ARHGEF9: variants seen among roughly 807,000 people sequenced by gnomAD.
ARHGEF9 encodes Cdc42 guanine nucleotide exchange factor 9, also known as rho guanine nucleotide exchange factor 9.
Under a neutral mutation model 41.3 loss-of-function variants are expected in ARHGEF9, and 2 were observed. The observed-to-expected ratio is 0.05, with a 90% CI of 0.02 to 0.15. The LOEUF (loss-of-function observed/expected upper bound fraction) is 0.15. ARHGEF9 is among the 10% of genes least tolerant of loss of function. The pLI is 1.00. For missense variants in ARHGEF9, 225 were observed against 424.7 expected (o/e 0.53, Z 4.13); for synonymous variants, 160 against 154.4 (o/e 1.04, Z -0.27).
chrX:63,667,480 C>T (rs1472250971), intron 6 of ARHGEF9, among the ~76,000 whole-genome samples: 3 of 111,369 alleles, frequency 2.7e-5, no homozygotes, highest in Non-Finnish European at 5.7e-5. Context: ...TACCTTGATG[C>T]TAAGATCTCA....
intron 6 of ARHGEF9, among the ~76,000 whole-genome samples, chrX:63,667,999 A>T (rs1322578163): frequency 1.8e-5 from 2 of 111,564 alleles, no homozygotes; most frequent in Non-Finnish European, 1.9e-5. Context: ...CATAAAAGAG[A>T]GCCAATGCCA....
chrX:63,736,195 C>A (rs1176810878), intron 1 of ARHGEF9, among the ~76,000 whole-genome samples: 1 of 111,631 alleles, frequency 9.0e-6, no homozygotes, highest in African/African-American at 3.3e-5. Flanking sequence ...AAAATAGAAG[C>A]AAAATCAGAC....
At position 63,674,197 on chromosome X, in the gene ARHGEF9, C is replaced by T. The variant is rs201482891; in HGVS notation, c.816-30G>A. 168 of 1,204,725 alleles carry T rather than the reference C, an allele frequency of 1.4e-4. No individual in the cohort carries two copies. The African/African-American group carries it at 2.7e-3, about 19-fold the overall frequency. On this transcript the variant is annotated intron_variant, in intron 5 of 9. Coordinates refer to ENST00000671741, the MANE Select transcript of ARHGEF9 (RefSeq NM_001353921.2). ...GAAAACAAAAGAGTGCAAGTTGAAC[C>T]AACCAATGTGCCAAAGAACCAATGT...
intron 1 of ARHGEF9, among the ~76,000 whole-genome samples, chrX:63,765,672 A>G (rs1158652435): frequency 9.0e-6 from 1 of 111,592 alleles, no homozygotes; most frequent in East Asian, 2.8e-4. Flanking sequence ...GAAAGAACAA[A>G]GGATTAACAG....
At position 63,775,148 on chromosome X, in the gene ARHGEF9, T is replaced by A. The variant is rs781867120; in HGVS notation, c.30+9968A>T. ...AGATACCATCTCACACCAGTCAGAA[T>A]GCCTATTATTAAGAAGTCAAAAAAT... is the stretch of plus-strand genomic sequence containing the variant. On this transcript the variant is annotated intron_variant, in intron 1 of 9. Coordinates refer to ENST00000671741, the MANE Select transcript of ARHGEF9 (RefSeq NM_001353921.2). Among the ~76,000 whole-genome samples, 132 of 112,566 alleles carry A rather than the reference T, an allele frequency of 1.2e-3. 1 individual carries two copies. The highest frequency in any genetic ancestry group is 4.2e-3 in the African/African-American group (129 of 31,036).
rs782554647 is a variant in ARHGEF9, at chrX:63,664,096, C to T, written c.1077+1790G>A. Among the ~76,000 whole-genome samples the T allele has an allele frequency of 2.7e-5, 3 of 112,301 alleles. No homozygotes were observed. In the South Asian group the frequency reaches 1.1e-3, roughly 42 times the overall value. On this transcript the variant is annotated intron_variant, in intron 7 of 9. Transcript: ENST00000671741. ...TCACCATCCCTGTTATATGCTTCCCCTACCCTGCCAGCTTAGCTGGTTTGA... is the reference window on the plus strand; with the variant it reads ...TCACCATCCCTGTTATATGCTTCCCTTACCCTGCCAGCTTAGCTGGTTTGA...
At chrX:63,783,679 A>G (rs1243399972) in intron 1 of ARHGEF9, among the ~76,000 whole-genome samples, 3 of 111,636 alleles carry the variant, frequency 2.7e-5, no homozygotes, top group African/African-American at 9.8e-5. Context: ...GTGGGGAAGG[A>G]CTGTGGCAGT....
At chrX:63,718,597 A>G (rs181036520) in intron 2 of ARHGEF9, among the ~76,000 whole-genome samples, 1 of 112,090 alleles carries the variant, frequency 8.9e-6, no homozygotes, top group Non-Finnish European at 1.9e-5. Context: ...TGGGTCAACA[A>G]TAGGGCCTTG....
chrX:63,692,444 T>C (rs1241802665), intron 4 of ARHGEF9, among the ~76,000 whole-genome samples: 1 of 112,383 alleles, frequency 8.9e-6, no homozygotes, highest in Non-Finnish European at 1.9e-5. Flanking sequence ...AAATGGCCAA[T>C]AGGCATATGA....
rs782196800 is a variant in ARHGEF9, at chrX:63,635,421, C to T, written c.*2607G>A. On this transcript the variant is annotated 3_prime_UTR_variant, in exon 10 of 10. Coordinates refer to ENST00000671741, the MANE Select transcript of ARHGEF9 (RefSeq NM_001353921.2). ...GAGGAAAAGGGAGCTCAGGGCCATG[C>T]GGAAATTACAACATTACAGAATTAC... The T allele has an allele frequency of 2.9e-5, 15 of 519,610 alleles. No individual in the cohort carries two copies. The highest frequency in any genetic ancestry group is 3.1e-4 in the Middle Eastern group (1 of 3,211). The allele number at this position is 519,610 out of a possible 1,213,427, so 42.8% of individuals were successfully genotyped here. A position where few individuals can be genotyped will look rare whatever the true frequency, so the allele number is the denominator to read the frequency against.
intron 1 of ARHGEF9, among the ~76,000 whole-genome samples, chrX:63,747,920 T>C (rs781956676): frequency 1.8e-5 from 2 of 112,493 alleles, no homozygotes; most frequent in East Asian, 5.6e-4. Context: ...TTTAGAAACA[T>C]TTGCATTGTA....
Position 63,785,140 on chromosome X carries a change from C to T in ARHGEF9, c.6G>A (p.Gln2=). The T allele has an allele frequency of 8.6e-7, 1 of 1,165,438 alleles. No homozygotes were observed. Residue 2 remains glutamine (Q), a synonymous_variant, in exon 1 of 10, where the codon CAG becomes CAA. Coordinates refer to ENST00000671741, the MANE Select transcript of ARHGEF9 (RefSeq NM_001353921.2). ...CCATTCCCGATCCGCCCCTTATCCA[C>T]TGCATGGTGCTTGCGAAGTCCGGCT... is the stretch of plus-strand genomic sequence containing the variant. M[Q]WIRGGSGMLI...
At chrX:63,739,438 T>TA (rs1556425250) in intron 1 of ARHGEF9, among the ~76,000 whole-genome samples, 1 of 111,622 alleles carries the variant, frequency 9.0e-6, no homozygotes, top group East Asian at 2.8e-4. Context: ...GAACCCCCTG[T>TA]ACTGCTTGTC....
intron 1 of ARHGEF9, among the ~76,000 whole-genome samples, chrX:63,772,955 A>C (rs2056229230): frequency 9.0e-6 from 1 of 111,432 alleles, no homozygotes; most frequent in African/African-American, 3.3e-5. Context: ...CAAATGTGTC[A>C]GGATCTTTCC....
intron 1 of ARHGEF9, chrX:63,754,372 T>G (rs2055844058): frequency 3.3e-6 from 4 of 1,205,422 alleles, no homozygotes; most frequent in Non-Finnish European, 4.5e-6. Context: ...GTAAGAAAGC[T>G]TGTTCTTTCT....
At chrX:63,685,868 G>A (rs782298172) in intron 4 of ARHGEF9, among the ~76,000 whole-genome samples, 3 of 111,308 alleles carry the variant, frequency 2.7e-5, no homozygotes, top group East Asian at 2.8e-4. Flanking sequence ...GTAGAAAACC[G>A]TTATGATTTT....
intron 1 of ARHGEF9, chrX:63,755,801 C>A: frequency 1.4e-6 from 1 of 738,492 alleles, no homozygotes; most frequent in Non-Finnish European, 1.6e-6. Context: ...AAATCCAATT[C>A]TATTTGGCTT....
chrX:63,668,865 T>A (rs1941403569), intron 6 of ARHGEF9, among the ~76,000 whole-genome samples: 1 of 111,874 alleles, frequency 8.9e-6, no homozygotes, highest in African/African-American at 3.2e-5. Flanking sequence ...CCAAAGCCTA[T>A]GCTCTTATCC....
At chrX:63,667,485 A>G (rs782093835) in intron 6 of ARHGEF9, among the ~76,000 whole-genome samples, 14 of 111,355 alleles carry the variant, frequency 1.3e-4, no homozygotes, top group African/African-American at 4.2e-4. Flanking sequence ...TGATGCTAAG[A>G]TCTCAGCCTT....
Sources: gnomAD v4.1 joint callset for allele counts (sites outside exome capture counted in the v4.1 genomes callset) on GRCh38, gnomAD v4.1.1 for gene constraint, MANE v1.5 for transcripts, NCBI Gene and HGNC (gene_info 2026-07-23, HGNC 2026-07-21) for gene names.